ATXN1: variants seen among roughly 807,000 people sequenced by gnomAD.
ATXN1 encodes ataxin 1.
ATXN1 carries 8 observed loss-of-function variants against 56.4 expected under a neutral mutation model. The observed-to-expected ratio is 0.14, with a 90% CI of 0.08 to 0.26. ATXN1 has a LOEUF of 0.26. ATXN1 is among the 10% of genes least tolerant of loss of function. The pLI is 1.00. For synonymous variants in ATXN1, 514 were observed against 494.6 expected (o/e 1.04, Z -0.52); for missense variants, 987 against 1,106.5 (o/e 0.89, Z 1.53).
intron 6 of ATXN1, among the ~76,000 whole-genome samples, chr6:16,343,813 G>A (rs1235496305): frequency 6.6e-6 from 1 of 152,146 alleles, no homozygotes; most frequent in Non-Finnish European, 1.5e-5. Flanking sequence ...TCTGCAGGCT[G>A]AAAGCAACCA....
At chr6:16,519,217 C>T (rs957536242) in intron 5 of ATXN1, among the ~76,000 whole-genome samples, 19 of 152,098 alleles carry the variant, frequency 1.2e-4, no homozygotes, top group Non-Finnish European at 1.3e-4. Context: ...CTAGAAAACA[C>T]TCAGGCCCCC....
intron 4 of ATXN1, among the ~76,000 whole-genome samples, chr6:16,543,869 GT>G (rs1373360512): frequency 8.2e-6 from 1 of 121,216 alleles, no homozygotes; most frequent in Admixed American, 8.6e-5. Context: ...GTACTCAAGG[GT>G]CTCGCAACAA....
intron 7 of ATXN1, among the ~76,000 whole-genome samples, chr6:16,322,258 AG>A (rs1760672210): frequency 6.6e-6 from 1 of 152,176 alleles, no homozygotes; most frequent in South Asian, 2.1e-4. Flanking sequence ...AAAAACCCAC[AG>A]AAAAACAAAA....
Position 16,480,505 on chromosome 6 carries a change from A to C in ATXN1, c.-161+5467T>G, listed in dbSNP as rs192600130. ...TTTCGGTACACCTGACTCCGCCACC[A>C]AGTACATCCTTCCCATAGCACCTTC... On this transcript the variant is annotated intron_variant, in intron 6 of 7. Transcript: ENST00000436367. Among the ~76,000 whole-genome samples the C allele has an allele frequency of 2.5e-3, 379 of 152,202 alleles. 9 individuals carry two copies. The highest frequency in any genetic ancestry group is 0.023 in the Admixed American group (347 of 15,292).
At chr6:16,440,677 G>A (rs145457740) in intron 6 of ATXN1, among the ~76,000 whole-genome samples, 53 of 110,868 alleles carry the variant, frequency 4.8e-4, no homozygotes, top group African/African-American at 1.7e-3. Flanking sequence ...AAATTAAAGC[G>A]GGAATTCAGG....
chr6:16,415,957 T>C (rs1281369224), intron 6 of ATXN1, among the ~76,000 whole-genome samples: 1 of 152,162 alleles, frequency 6.6e-6, no homozygotes, highest in East Asian at 1.9e-4. Flanking sequence ...AATCGTTTTT[T>C]TCCCTCCCTT....
intron 3 of ATXN1, among the ~76,000 whole-genome samples, chr6:16,618,377 A>G (rs1312043739): frequency 6.6e-6 from 1 of 152,216 alleles, no homozygotes; most frequent in Non-Finnish European, 1.5e-5. Context: ...ATGTATACCT[A>G]TGTAACAAAC....
chr6:16,310,825 C>T (rs950399119), intron 7 of ATXN1, among the ~76,000 whole-genome samples: 2 of 152,180 alleles, frequency 1.3e-5, no homozygotes, highest in African/African-American at 4.8e-5. Context: ...CACAAAAACA[C>T]ACATGCATAA....
intron 5 of ATXN1, among the ~76,000 whole-genome samples, chr6:16,492,783 T>A (rs1450503788): frequency 6.6e-6 from 1 of 152,158 alleles, no homozygotes; most frequent in African/African-American, 2.4e-5. Context: ...TTCCTTCTAC[T>A]GTTTATCGTT....
intron 4 of ATXN1, among the ~76,000 whole-genome samples, chr6:16,572,319 T>C (rs952907679): frequency 6.6e-6 from 1 of 152,130 alleles, no homozygotes; most frequent in Non-Finnish European, 1.5e-5. Flanking sequence ...TAAGAAACAA[T>C]GATGTATAAT....
At chr6:16,590,370 C>T (rs925444284) in intron 3 of ATXN1, among the ~76,000 whole-genome samples, 1 of 152,182 alleles carries the variant, frequency 6.6e-6, no homozygotes, top group South Asian at 2.1e-4. Flanking sequence ...GCTACCAGTA[C>T]ATAGTTGAAC....
chr6:16,464,295 T>C (rs1760058156), intron 6 of ATXN1, among the ~76,000 whole-genome samples: 1 of 152,070 alleles, frequency 6.6e-6, no homozygotes, highest in Non-Finnish European at 1.5e-5. Context: ...TAGTGCTCTG[T>C]AAAATGCATC....
At chr6:16,518,669 A>G (rs1370525397) in intron 5 of ATXN1, among the ~76,000 whole-genome samples, 1 of 152,198 alleles carries the variant, frequency 6.6e-6, no homozygotes, top group East Asian at 1.9e-4. Flanking sequence ...ACAGACCTCA[A>G]AACCAAATTA....
In ATXN1 at chr6:16,346,941, A is replaced by C. The variant is rs577943105; in HGVS notation, c.-160-18471T>G. On this transcript the variant is annotated intron_variant, in intron 6 of 7. Transcript: ENST00000436367. The stretch of plus-strand genomic sequence containing the variant: ...TTGCTTGTGGGCCAGCGCGCGTTCC[A>C]GGTGGCTGTGGGCTCCGTGGGCCCC... 3.9e-5 allele frequency among the ~76,000 whole-genome samples: 6 copies of C among 152,356 alleles called. No individual in the cohort carries two copies. The South Asian group carries it at 1.2e-3, about 32-fold the overall frequency.
At chr6:16,485,728 A>T (rs1449501128) in intron 6 of ATXN1, 65 of 152,238 alleles carry the variant, frequency 4.3e-4, no homozygotes, top group Admixed American at 4.3e-3. Context: ...CCATCCTTTT[A>T]TTCCTGAAGT....
rs1760982800 is a variant in ATXN1 at position 16,506,402 on chromosome 6, G to A, written c.-299+16225C>T. On this transcript the variant is annotated intron_variant, in intron 5 of 7. Transcript: ENST00000436367. The surrounding 1 kb of genome is among the most constrained non-coding windows in gnomAD (Gnocchi z 4.1). ...CATAAGCAAAGCTGATGTCTCCTCT[G>A]ACCTCCCCCTTTTAAAATTTCCAGA... is the stretch of plus-strand genomic sequence containing the variant. 6.6e-6 allele frequency among the ~76,000 whole-genome samples: 1 copy of A among 152,120 alleles called. No individual in the cohort carries two copies. The highest frequency in any genetic ancestry group is 2.4e-5 in the African/African-American group (1 of 41,424).
rs141218018 is a variant in ATXN1, at chr6:16,683,876, A to G, written c.-614-25975T>C. ...GAGATATTATCTGTGCCCAAGCTGC[A>G]GGGGTTGAGGTCACACATCTGGTGC... On this transcript the variant is annotated intron_variant, in intron 2 of 7. Transcript: ENST00000436367. Among the ~76,000 whole-genome samples, 36 of 152,240 alleles carry G rather than the reference A, an allele frequency of 2.4e-4. No homozygotes were observed. The East Asian group carries it at 6.6e-3, about 28-fold the overall frequency.
At chr6:16,491,277 A>T (rs1398438972) in intron 5 of ATXN1, among the ~76,000 whole-genome samples, 123 of 132,194 alleles carry the variant, frequency 9.3e-4, no homozygotes, top group Non-Finnish European at 1.6e-3. Flanking sequence ...TATTATTATT[A>T]TTTTTTTTTT....
chr6:16,617,811 T>C (rs1295194881), intron 3 of ATXN1, among the ~76,000 whole-genome samples: 3 of 148,626 alleles, frequency 2.0e-5, no homozygotes, highest in African/African-American at 7.4e-5. Flanking sequence ...TAAAAACATT[T>C]AGTTTTTATT....
Sources: allele counts gnomAD v4.1 joint callset (sites outside exome capture counted in the v4.1 genomes callset), GRCh38; gene constraint gnomAD v4.1.1; non-coding constraint Gnocchi (gnomAD v3.1); transcripts MANE v1.5; gene names NCBI Gene and HGNC (gene_info 2026-07-23, HGNC 2026-07-21).